The following CADM1 variants were observed in gnomAD, a reference collection of about 807,000 sequenced individuals.
CADM1 encodes the protein cell adhesion molecule 1.
CADM1 carries 15 observed loss-of-function variants against 53.1 expected under a neutral mutation model. The observed-to-expected ratio is 0.28, with a 90% CI of 0.19 to 0.44. The LOEUF (loss-of-function observed/expected upper bound fraction) is 0.44. CADM1 is among the 20% of genes least tolerant of loss of function. CADM1 has a pLI of 1.00. For synonymous variants in CADM1, 281 were observed against 243.0 expected (o/e 1.16, Z -1.45); for missense variants, 434 against 611.3 (o/e 0.71, Z 3.06).
chr11:115,271,070 G>C (rs1402149184), intron 1 of CADM1, among the ~76,000 whole-genome samples: 1 of 152,148 alleles, frequency 6.6e-6, no homozygotes, highest in African/African-American at 2.4e-5. Flanking sequence ...CTGGATGAGG[G>C]ACAGAGGCTT....
rs574462360 is a variant in CADM1, at chr11:115,465,215, G to A, written c.124+39056C>T. Among the ~76,000 whole-genome samples the A allele has an allele frequency of 3.9e-5, 6 of 152,094 alleles. No individual in the cohort carries two copies. In the South Asian group the frequency reaches 6.2e-4, roughly 16 times the overall value. On this transcript the variant is annotated intron_variant, in intron 1 of 11. Coordinates refer to ENST00000331581, the MANE Select transcript of CADM1 (RefSeq NM_001301043.2). ...GCTACTACCTCAGCATACTACATCC[G>A]GGCTTGAAGAAAAAGACATTTTGAT...
At chr11:115,256,740 T>C (rs1942801249) in intron 1 of CADM1, 1 of 450,620 alleles carries the variant, frequency 2.2e-6, no homozygotes, top group Non-Finnish European at 4.5e-6. Flanking sequence ...CTATTGTTTG[T>C]GTTCCTTAAC....
intron 1 of CADM1, among the ~76,000 whole-genome samples, chr11:115,373,078 T>G (rs1946348052): frequency 6.6e-6 from 1 of 152,232 alleles, no homozygotes; most frequent in Non-Finnish European, 1.5e-5. Context: ...TACCAGGCAT[T>G]CTGCTCAAAG....
intron 10 of CADM1, among the ~76,000 whole-genome samples, chr11:115,183,263 C>T (rs139811377): frequency 2.7e-4 from 41 of 152,316 alleles, no homozygotes; most frequent in East Asian, 2.3e-3. Context: ...TCGTCTTAAA[C>T]GCAGCACTCT....
chr11:115,270,038 C>T (rs754987105), intron 1 of CADM1, among the ~76,000 whole-genome samples: 5 of 152,294 alleles, frequency 3.3e-5, no homozygotes, highest in East Asian at 1.9e-4. Flanking sequence ...AGTGTGCAGG[C>T]GTCAACTCCC....
chr11:115,315,017 G>A (rs1027226831), intron 1 of CADM1, among the ~76,000 whole-genome samples: 7 of 152,258 alleles, frequency 4.6e-5, no homozygotes, highest in South Asian at 2.1e-4. Flanking sequence ...GAGTTGACAC[G>A]TTAAACAGTT....
At chr11:115,400,860 G>A (rs927811780) in intron 1 of CADM1, among the ~76,000 whole-genome samples, 3 of 151,358 alleles carry the variant, frequency 2.0e-5, no homozygotes, top group East Asian at 1.9e-4. Flanking sequence ...GCTGGGGAGG[G>A]TGTGGAGCAG....
chr11:115,238,861 CATAT>C (rs150429291), intron 2 of CADM1, among the ~76,000 whole-genome samples: 1 of 149,758 alleles, frequency 6.7e-6, no homozygotes, highest in East Asian at 1.9e-4. Context: ...TGTGCGTGTG[CATAT>C]ATATATATAT....
At chr11:115,268,605 G>A (rs1757396313) in intron 1 of CADM1, among the ~76,000 whole-genome samples, 1 of 152,138 alleles carries the variant, frequency 6.6e-6, no homozygotes, top group South Asian at 2.1e-4. Context: ...CACTATTGAG[G>A]GTAACCAGAG....
At chr11:115,308,459 T>G (rs1213196104) in intron 1 of CADM1, among the ~76,000 whole-genome samples, 1 of 151,920 alleles carries the variant, frequency 6.6e-6, no homozygotes, top group African/African-American at 2.4e-5. Flanking sequence ...GTCTTTTTAC[T>G]CAATAAATAT....
rs190922643 is a variant in CADM1 at position 115,184,524 on chromosome 11, T to C, written c.1166-5749A>G. 1.9e-3 allele frequency among the ~76,000 whole-genome samples: 293 copies of C among 152,320 alleles called. 1 individual carries two copies. The highest frequency in any genetic ancestry group is 3.2e-3 in the Non-Finnish European group (220 of 68,028). On this transcript the variant is annotated intron_variant, in intron 10 of 11. Coordinates refer to ENST00000331581, the MANE Select transcript of CADM1 (RefSeq NM_001301043.2). Reference sequence around the variant, plus strand: ...TACAGTACATGCACAGCTTTCCCATTAAGATGTTAATATATATTGGAGCAC... The same window carrying C: ...TACAGTACATGCACAGCTTTCCCATCAAGATGTTAATATATATTGGAGCAC...
chr11:115,419,985 T>G (rs1019559801), intron 1 of CADM1, among the ~76,000 whole-genome samples: 1 of 152,296 alleles, frequency 6.6e-6, no homozygotes, highest in Admixed American at 6.5e-5. Flanking sequence ...CCTCATGCTC[T>G]CCTCCATTGT....
chr11:115,259,622 T>A (rs914122343), intron 1 of CADM1, among the ~76,000 whole-genome samples: 4 of 152,108 alleles, frequency 2.6e-5, no homozygotes, highest in Non-Finnish European at 4.4e-5. Flanking sequence ...TTGTTTTTTT[T>A]AAAGGAAAGA....
At chr11:115,494,553 A>G (rs1260314062) in intron 1 of CADM1, among the ~76,000 whole-genome samples, 1 of 152,136 alleles carries the variant, frequency 6.6e-6, no homozygotes, top group African/African-American at 2.4e-5. Flanking sequence ...TTATCAAAAA[A>G]CATTCAACTC....
chr11:115,431,593 A>T lies in CADM1; in HGVS notation c.124+72678T>A, dbSNP rs12293895. Among the ~76,000 whole-genome samples the T allele has an allele frequency of 5.1e-3, 771 of 152,226 alleles. 6 individuals are homozygous for T. The highest frequency in any genetic ancestry group is 0.018 in the African/African-American group (740 of 41,534). On this transcript the variant is annotated intron_variant, in intron 1 of 11. Transcript: ENST00000331581. ...GCCCCCAGTCCTTCACACAACCTGA[A>T]GGGCTTTAAGCAGTCTGAACCTTCC...
At chr11:115,399,860 C>T (rs45555732) in intron 1 of CADM1, among the ~76,000 whole-genome samples, 1,903 of 152,216 alleles carry the variant, frequency 0.013, 25 homozygotes, top group Non-Finnish European at 0.017. Context: ...AGTCCACCTG[C>T]GGTCTACCCA....
intron 1 of CADM1, among the ~76,000 whole-genome samples, chr11:115,245,112 G>T (rs1164134185): frequency 6.6e-6 from 1 of 152,216 alleles, no homozygotes; most frequent in African/African-American, 2.4e-5. Flanking sequence ...ACATAGAGAA[G>T]GAGCACCAGC....
chr11:115,244,913 C>G (rs1174059251), intron 1 of CADM1, among the ~76,000 whole-genome samples: 1 of 152,212 alleles, frequency 6.6e-6, no homozygotes, highest in Non-Finnish European at 1.5e-5. Context: ...CTAGAGAAAG[C>G]CTTTATTACC....
At chr11:115,430,625 C>T (rs1033882032) in intron 1 of CADM1, among the ~76,000 whole-genome samples, 6 of 152,148 alleles carry the variant, frequency 3.9e-5, no homozygotes, top group African/African-American at 1.4e-4. Context: ...GTTGAGCTAA[C>T]AAAAGCAATT....
Sources: allele counts gnomAD v4.1 joint callset (sites outside exome capture counted in the v4.1 genomes callset), GRCh38; gene constraint gnomAD v4.1.1; transcripts MANE v1.5; gene names NCBI Gene and HGNC (gene_info 2026-07-23, HGNC 2026-07-21).